DGKG: variants seen among roughly 807,000 people sequenced by gnomAD.
DGKG encodes DAG kinase gamma.
Under a neutral mutation model 105.3 loss-of-function variants are expected in DGKG, and 78 were observed. That is an observed-to-expected ratio of 0.74 (90% confidence interval 0.62 to 0.89). The LOEUF (loss-of-function observed/expected upper bound fraction) is 0.89, where lower values mean the gene tolerates loss of function less well. DGKG is among the 40% of genes least tolerant of loss of function. The probability of loss-of-function intolerance (pLI) is 0.00; values close to 1 mark genes in which losing one functional copy is unlikely to be tolerated. For missense variants in DGKG, 958 were observed against 1,020.1 expected, an observed-to-expected ratio of 0.94 and a Z score of 0.83; for synonymous variants, 346 against 367.1, an observed-to-expected ratio of 0.94 and a Z score of 0.66.
chr3:186,308,023 T>C (rs182175532), intron 2 of DGKG, among the ~76,000 whole-genome samples: 6 of 152,190 alleles, frequency 3.9e-5, no homozygotes, highest in African/African-American at 1.4e-4. Flanking sequence ...TTCTCACATA[T>C]TTCTGACAGC....
chr3:186,272,365 G>A, intron 10 of DGKG, 22 bp from the exon 11 acceptor site: 3 of 1,586,688 alleles, frequency 1.9e-6, no homozygotes, highest in Non-Finnish European at 2.6e-6. Context: ...AAAAGTCAAG[G>A]CAGGTGCTTG....
Position 186,242,542 on chromosome 3 carries a change from A to G in DGKG, c.1788T>C (p.His596=), listed in dbSNP as rs373057140. Reference sequence around the variant, plus strand: ...TTTCAGGATGTTTCTCTCTCATCACATGGAATCTGTGTGCAATGGAAGCGT... The same window carrying G: ...TTTCAGGATGTTTCTCTCTCATCACGTGGAATCTGTGTGCAATGGAAGCGT... ...GVDASIAHRF[H]VMREKHPEKF... Residue 596 remains histidine, a synonymous_variant, in exon 20 of 25, where the codon CAT becomes CAC. Coordinates refer to ENST00000265022, the MANE Select transcript of DGKG (RefSeq NM_001346.3). 1.9e-6 allele frequency: 3 copies of G among 1,613,824 alleles called. No individual in the cohort carries two copies. The highest frequency in any genetic ancestry group is 1.1e-5 in the South Asian group (1 of 91,052).
intron 12 of DGKG, 75 bp from the exon 13 acceptor site, chr3:186,267,852 G>C: frequency 7.1e-7 from 1 of 1,405,590 alleles, no homozygotes; most frequent in South Asian, 1.2e-5. Flanking sequence ...GAGAGGTTTG[G>C]GGGAGAGGTG....
chr3:186,169,816 G>T (rs1440343139), intron 22 of DGKG, among the ~76,000 whole-genome samples: 1 of 152,232 alleles, frequency 6.6e-6, no homozygotes, highest in Non-Finnish European at 1.5e-5. Flanking sequence ...GAACAAGGAA[G>T]ATAAGGGCAT....
chr3:186,204,368 T>C lies in DGKG; in HGVS notation c.1917+7427A>G, dbSNP rs148564156. On this transcript the variant is annotated intron_variant, in intron 21 of 24. Transcript: ENST00000265022. ...TTGCAGTAAGCTGAGATCGCGCCAC[T>C]GCACTCCATCCTGGGTGACAGAGCG... 8.7e-3 allele frequency among the ~76,000 whole-genome samples: 1,319 copies of C among 152,266 alleles called. 22 individuals are homozygous for C. Among genetic ancestry groups the C allele is most frequent in the African/African-American group, 0.03 (1,235 of 41,528 alleles).
intron 24 of DGKG, among the ~76,000 whole-genome samples, chr3:186,155,462 G>A (rs912463244): frequency 2.6e-5 from 4 of 152,172 alleles, no homozygotes; most frequent in African/African-American, 9.7e-5. Flanking sequence ...AAAGTGCTGG[G>A]ATTACAGGCA....
chr3:186,172,638 C>T (rs3774055), intron 22 of DGKG, among the ~76,000 whole-genome samples: 20,422 of 152,122 alleles, frequency 0.13, 1,570 homozygotes, highest in Middle Eastern at 0.27. Context: ...GAGCTCTTAC[C>T]GGGAGGGGTA....
At chr3:186,219,839 T>A (rs1719477026) in intron 20 of DGKG, among the ~76,000 whole-genome samples, 1 of 152,224 alleles carries the variant, frequency 6.6e-6, no homozygotes, top group African/African-American at 2.4e-5. Flanking sequence ...AAGACACTTC[T>A]TGAGTCATTT....
Position 186,320,507 on chromosome 3 carries a change from C to T in DGKG, c.-48G>A, listed in dbSNP as rs560581847. ...TAAAGGGCAGTGATGGAGTTTTGTT[C>T]ACTAGGCTGAAGTGGAGGCCCAGCC... On this transcript the variant is annotated 5_prime_UTR_variant, in exon 2 of 25. Coordinates refer to ENST00000265022, the MANE Select transcript of DGKG (RefSeq NM_001346.3). 46 of 1,613,938 alleles carry T rather than the reference C, an allele frequency of 2.9e-5. 1 individual carries two copies. In the South Asian group the frequency reaches 4.7e-4, roughly 17 times the overall value.
intron 1 of DGKG, among the ~76,000 whole-genome samples, chr3:186,325,625 A>T (rs187889091): frequency 1.3e-5 from 2 of 152,128 alleles, no homozygotes; most frequent in East Asian, 3.9e-4. Context: ...GTTAGTTAGG[A>T]GTCTATTGTA....
chr3:186,165,973 T>C (rs933613587), intron 22 of DGKG, among the ~76,000 whole-genome samples: 2 of 152,254 alleles, frequency 1.3e-5, no homozygotes, highest in African/African-American at 4.8e-5. Flanking sequence ...ATCCTCTTAA[T>C]ATCCACAAAC....
chr3:186,334,485 C>T (rs907370494), intron 1 of DGKG, among the ~76,000 whole-genome samples: 2 of 152,186 alleles, frequency 1.3e-5, no homozygotes, highest in African/African-American at 2.4e-5. Flanking sequence ...AGTAATGATT[C>T]GGCACTGTGG....
intron 15 of DGKG, among the ~76,000 whole-genome samples, chr3:186,260,762 A>T (rs1721734296): frequency 6.6e-6 from 1 of 152,240 alleles, no homozygotes; most frequent in Non-Finnish European, 1.5e-5. Flanking sequence ...GCCCAGAAGC[A>T]TCGCCCCTTA....
chr3:186,289,909 T>C (rs993129877), intron 5 of DGKG, among the ~76,000 whole-genome samples: 4 of 152,168 alleles, frequency 2.6e-5, no homozygotes, highest in Admixed American at 6.5e-5. Context: ...GAATATTCCA[T>C]TTTAGGCAAG....
In DGKG at chr3:186,226,884, A is replaced by G. The variant is rs532808296; in HGVS notation, c.1827-14999T>C. ...CCTGCTGTGTTAGTAATTTGAGGGT[A>G]TAAGTACATTCTTGAAGTGAGAAGA... On this transcript the variant is annotated intron_variant, in intron 20 of 24. Transcript: ENST00000265022. The surrounding 1 kb of genome is among the most constrained non-coding windows in gnomAD (Gnocchi z 4.2). 1.3e-4 allele frequency among the ~76,000 whole-genome samples: 20 copies of G among 152,224 alleles called. No individual in the cohort carries two copies. Among genetic ancestry groups the G allele is most frequent in the Non-Finnish European group, 2.8e-4 (19 of 68,030 alleles).
intron 13 of DGKG, among the ~76,000 whole-genome samples, chr3:186,265,686 C>T (rs1424624400): frequency 9.1e-5 from 6 of 66,214 alleles, no homozygotes; most frequent in Non-Finnish European, 1.7e-4. Context: ...TTTTTTGAGA[C>T]GGAGTCTCGC....
chr3:186,250,348 G>C (rs1721149195), intron 19 of DGKG, among the ~76,000 whole-genome samples: 1 of 152,026 alleles, frequency 6.6e-6, no homozygotes, highest in African/African-American at 2.4e-5. Flanking sequence ...GGGAGGGAGA[G>C]CATCAGGAAG....
At chr3:186,260,918 C>T (rs1262681671) in intron 15 of DGKG, among the ~76,000 whole-genome samples, 1 of 152,184 alleles carries the variant, frequency 6.6e-6, no homozygotes, top group African/African-American at 2.4e-5. Flanking sequence ...TCACAGGACC[C>T]CCTCCTCCCC....
At chr3:186,234,491 C>T (rs1451987879) in intron 20 of DGKG, among the ~76,000 whole-genome samples, 1 of 152,202 alleles carries the variant, frequency 6.6e-6, no homozygotes, top group African/African-American at 2.4e-5. Context: ...AGAAATCAAT[C>T]AGTCAGTAAA....
Sources: allele counts gnomAD v4.1 joint callset (sites outside exome capture counted in the v4.1 genomes callset), GRCh38; gene constraint gnomAD v4.1.1; non-coding constraint Gnocchi (gnomAD v3.1); transcripts MANE v1.5; gene names NCBI Gene and HGNC (gene_info 2026-07-23, HGNC 2026-07-21).